The following NRXN3 variants were observed in gnomAD, a reference collection of about 807,000 sequenced individuals.
NRXN3 encodes neurexin 3.
Under a neutral mutation model 137.6 loss-of-function variants are expected in NRXN3, and 32 were observed. The ratio of observed to expected loss-of-function variants is 0.23; its 90% CI spans 0.18 to 0.31. NRXN3 has a LOEUF of 0.31. Ranked by LOEUF, NRXN3 falls within the 10% of genes least tolerant of loss-of-function variation. The pLI is 1.00. For synonymous variants in NRXN3, 798 were observed against 784.5 expected (o/e 1.02, Z -0.29); for missense variants, 1,574 against 2,062.5 (o/e 0.76, Z 4.59).
chr14:79,562,434 G>A (rs2097507018), intron 16 of NRXN3, among the ~76,000 whole-genome samples: 1 of 152,056 alleles, frequency 6.6e-6, no homozygotes, highest in Non-Finnish European at 1.5e-5. Flanking sequence ...TTAGATCATT[G>A]ATCTCAATGG....
chr14:79,754,503 GATATATATATATATATATATAT>G (rs57962525), intron 19 of NRXN3, among the ~76,000 whole-genome samples: 3,674 of 44,160 alleles, frequency 0.083, 336 homozygotes, highest in Admixed American at 0.12. Flanking sequence ...ACTCTCTCTT[GATATATATATATATATATATAT>G]ATATATATAT....
chr14:78,365,672 A>C (rs1479052974), intron 4 of NRXN3, among the ~76,000 whole-genome samples: 1 of 152,202 alleles, frequency 6.6e-6, no homozygotes, highest in Non-Finnish European at 1.5e-5. Context: ...AGATGAAAAA[A>C]ATGTGGAGAC....
intron 2 of NRXN3, among the ~76,000 whole-genome samples, chr14:78,260,470 C>T (rs894230295): frequency 6.6e-6 from 1 of 152,138 alleles, no homozygotes; most frequent in Non-Finnish European, 1.5e-5. Flanking sequence ...CCTGAGTAGG[C>T]CTTGATGATG....
chr14:79,814,944 G>A (rs2140920499), intron 20 of NRXN3, among the ~76,000 whole-genome samples: 1 of 152,252 alleles, frequency 6.6e-6, no homozygotes, highest in Admixed American at 6.5e-5. Context: ...CATATTTTGA[G>A]GTAAGATTAT....
intron 16 of NRXN3, among the ~76,000 whole-genome samples, chr14:79,561,629 A>G (rs919155808): frequency 1.3e-5 from 2 of 152,120 alleles, no homozygotes; most frequent in Non-Finnish European, 2.9e-5. Flanking sequence ...TTGTATCCAC[A>G]ATCAGGACAC....
At chr14:79,798,424 AC>A (rs1158074115) in intron 19 of NRXN3, among the ~76,000 whole-genome samples, 1 of 152,186 alleles carries the variant, frequency 6.6e-6, no homozygotes, top group Non-Finnish European at 1.5e-5. Context: ...AAAACAGCAA[AC>A]ATTTAAAGGA....
At chr14:79,674,200 G>A (rs1820685708) in intron 17 of NRXN3, among the ~76,000 whole-genome samples, 1 of 151,970 alleles carries the variant, frequency 6.6e-6, no homozygotes, top group Non-Finnish European at 1.5e-5. Flanking sequence ...AAGATGACAT[G>A]ACAACTTATA....
intron 19 of NRXN3, among the ~76,000 whole-genome samples, chr14:79,758,149 G>T (rs1412263355): frequency 1.3e-5 from 2 of 152,104 alleles, no homozygotes; most frequent in Non-Finnish European, 2.9e-5. Flanking sequence ...TTCATTTTTG[G>T]TCAGCAGGTT....
At chr14:79,734,846 C>T (rs566391386) in intron 19 of NRXN3, among the ~76,000 whole-genome samples, 3 of 152,282 alleles carry the variant, frequency 2.0e-5, no homozygotes, top group Non-Finnish European at 2.9e-5. Flanking sequence ...AGGCATCCCA[C>T]TCTTGGCTTC....
intron 6 of NRXN3, among the ~76,000 whole-genome samples, chr14:78,669,950 T>G (rs1168247532): frequency 6.6e-6 from 1 of 152,124 alleles, no homozygotes; most frequent in Non-Finnish European, 1.5e-5. Context: ...CCTGGTGGTT[T>G]GCTGCACCCA....
chr14:78,877,003 T>G (rs1383434594), intron 10 of NRXN3, among the ~76,000 whole-genome samples: 6 of 152,312 alleles, frequency 3.9e-5, no homozygotes, highest in African/African-American at 1.4e-4. Context: ...CCAAGATCCT[T>G]TCCCAAGAGG....
intron 4 of NRXN3, among the ~76,000 whole-genome samples, chr14:78,604,909 A>G (rs998076390): frequency 6.6e-6 from 1 of 152,234 alleles, no homozygotes; most frequent in South Asian, 2.1e-4. Flanking sequence ...GCATGGGTGT[A>G]TGACAGACCA....
At chr14:78,973,095 A>G (rs1439687723) in intron 14 of NRXN3, among the ~76,000 whole-genome samples, 1 of 152,220 alleles carries the variant, frequency 6.6e-6, no homozygotes, top group Admixed American at 6.5e-5. Context: ...CATGAAAAAT[A>G]GCTATCAAGA....
chr14:79,285,582 C>T lies in NRXN3; in HGVS notation c.3263-181639C>T, dbSNP rs1302414583. Among the ~76,000 whole-genome samples the T allele has an allele frequency of 2.6e-5, 4 of 152,256 alleles. No individual in the cohort carries two copies. The East Asian group carries it at 7.7e-4, about 29-fold the overall frequency. On this transcript the variant is annotated intron_variant, in intron 15 of 20. Transcript: ENST00000335750. ...ATCTCTCTCCTTGGCTTGCAGATGGCTGTTTTCTCACTGTGTCCTCATAGG... is the reference window on the plus strand; with the variant it reads ...ATCTCTCTCCTTGGCTTGCAGATGGTTGTTTTCTCACTGTGTCCTCATAGG...
At chr14:78,891,519 T>A (rs1168290634) in intron 10 of NRXN3, among the ~76,000 whole-genome samples, 1 of 151,848 alleles carries the variant, frequency 6.6e-6, no homozygotes, top group Non-Finnish European at 1.5e-5. Flanking sequence ...GAAATAAAAT[T>A]CCCACGCTTC....
At chr14:79,287,293 A>G (rs1160356185) in intron 15 of NRXN3, among the ~76,000 whole-genome samples, 1 of 152,204 alleles carries the variant, frequency 6.6e-6, no homozygotes, top group Non-Finnish European at 1.5e-5. Context: ...GCTTAGGTAG[A>G]AAGTCATGCC....
intron 4 of NRXN3, among the ~76,000 whole-genome samples, chr14:78,541,207 G>A (rs1204355030): frequency 3.3e-5 from 5 of 152,176 alleles, no homozygotes; most frequent in Non-Finnish European, 7.3e-5. Flanking sequence ...CCTGAAGAGT[G>A]TTTTCCAACA....
Position 78,950,744 on chromosome 14 carries a change from G to T in NRXN3, c.2276-6498G>T, listed in dbSNP as rs561644828. Among the ~76,000 whole-genome samples, 5 of 152,226 alleles carry T rather than the reference G, an allele frequency of 3.3e-5. No homozygotes were observed. In the South Asian group the frequency reaches 1.0e-3, roughly 32 times the overall value. ...CCTGTATCATCAATAGATAGTTGTG[G>T]CCTGAGGTATAAATTAACACTATTC... On this transcript the variant is annotated intron_variant, in intron 10 of 20. Coordinates refer to ENST00000335750, the MANE Select transcript of NRXN3 (RefSeq NM_001330195.2).
chr14:78,524,130 C>T (rs1247515037), intron 4 of NRXN3, among the ~76,000 whole-genome samples: 2 of 152,096 alleles, frequency 1.3e-5, no homozygotes, highest in Non-Finnish European at 2.9e-5. Flanking sequence ...GCTGCAAGCA[C>T]AGTGCTTGAG....
Sources: allele counts gnomAD v4.1 joint callset (sites outside exome capture counted in the v4.1 genomes callset), GRCh38; gene constraint gnomAD v4.1.1; transcripts MANE v1.5; gene names NCBI Gene and HGNC (gene_info 2026-07-23, HGNC 2026-07-21).